Variants in RDH11 observed in about 807,000 individuals in gnomAD.
RDH11 encodes the protein retinol dehydrogenase 11, also known as HCV core-binding protein HCBP12.
In RDH11, 19 loss-of-function variants were observed where a neutral mutation model predicts 33.4. That is an observed-to-expected ratio of 0.57 (90% CI 0.40 to 0.83). RDH11 has a LOEUF of 0.83. RDH11 is among the 40% of genes least tolerant of loss of function. The pLI is 0.00. For synonymous variants in RDH11, 154 were observed against 155.3 expected (o/e 0.99, Z 0.06); for missense variants, 353 against 389.0 (o/e 0.91, Z 0.78).
rs2037555181 is a variant in RDH11, at chr14:67,677,384, T to TTG, written c.*936_*937insCA. 6.9e-6 allele frequency: 1 copy of TTG among 144,038 alleles called. No individual in the cohort carries two copies. Among genetic ancestry groups the TTG allele is most frequent in the Non-Finnish European group, 1.5e-5 (1 of 66,048 alleles). 8.9% of individuals were successfully genotyped at this position (144,038 alleles called of 1,614,324 possible). ...TAGGATTTTTTTTTTTTTTTTTTTTTTTTTTTTTGCCACACTGGTTTTTGT... is the reference window on the plus strand; with the variant it reads ...TAGGATTTTTTTTTTTTTTTTTTTTTTGTTTTTTTTGCCACACTGGTTTTTGT... On this transcript the variant is annotated 3_prime_UTR_variant, in exon 7 of 7. Transcript: ENST00000381346.
intron 5 of RDH11, among the ~76,000 whole-genome samples, chr14:67,688,455 T>C (rs1293965032): frequency 6.6e-6 from 1 of 152,168 alleles, no homozygotes; most frequent in Non-Finnish European, 1.5e-5. Flanking sequence ...TACATACATA[T>C]GTAAATGCAT....
chr14:67,691,221 T>C lies in RDH11; in HGVS notation c.373A>G (p.Ile125Val), dbSNP rs375887260. ...LAEEKHLHVL[I>V]NNAGVMMCPY... is the part of the protein sequence containing the mutation. ...CACATCATCACTCCTGCATTGTTGA[T>C]CAAAACGTGGAGGTGCTTTTCCTCT... Residue 125 changes from isoleucine to valine, a missense_variant, in exon 4 of 7, where the codon ATC becomes GTC. By Grantham distance (29) the Ile-to-Val change is conservative. Transcript: ENST00000381346. 45 of 1,613,814 alleles carry C rather than the reference T, an allele frequency of 2.8e-5. No individual in the cohort carries two copies. Among genetic ancestry groups the C allele is most frequent in the Non-Finnish European group, 3.7e-5 (44 of 1,179,952 alleles).
chr14:67,685,270 A>T (rs2037664103), intron 5 of RDH11, 66 bp from the exon 6 acceptor site: 1 of 1,309,082 alleles, frequency 7.6e-7, no homozygotes, highest in Non-Finnish European at 1.1e-6. Flanking sequence ...CCCAAAACAG[A>T]AAAGGATGTA....
rs374686330 is a variant in RDH11 at position 67,691,601 on chromosome 14, T to C, written c.350-357A>G. The C allele has an allele frequency of 2.4e-4, 47 of 193,374 alleles. 1 individual carries two copies. Among genetic ancestry groups the C allele is most frequent in the African/African-American group, 1.1e-3 (46 of 42,636 alleles). 12.0% of individuals were successfully genotyped at this position (193,374 alleles called of 1,614,324 possible). A position where few individuals can be genotyped will look rare whatever the true frequency, so the allele number is the denominator to read the frequency against. On this transcript the variant is annotated intron_variant, in intron 3 of 6. Transcript: ENST00000381346. ...AAGAGAAAAAAGAATGTTCTCTATGTACCTCTGCCCTGGGATTCAGGTCCC... is the reference window on the plus strand; with the variant it reads ...AAGAGAAAAAAGAATGTTCTCTATGCACCTCTGCCCTGGGATTCAGGTCCC...
chr14:67,692,657 A>C, intron 2 of RDH11, 64 bp from the exon 3 acceptor site: 3 of 1,499,712 alleles, frequency 2.0e-6, no homozygotes, highest in Non-Finnish European at 2.7e-6. Context: ...TATAAATCTA[A>C]TGTTATTTCC....
intron 6 of RDH11, among the ~76,000 whole-genome samples, chr14:67,681,063 A>G (rs2037609728): frequency 6.6e-6 from 1 of 152,188 alleles, no homozygotes; most frequent in South Asian, 2.1e-4. Context: ...GTGTGACTGT[A>G]TTTAGAGAGA....
Position 67,693,034 on chromosome 14 carries a change from C to A in RDH11, c.93G>T (p.Gly31=), listed in dbSNP as rs1297824174. ...GAAGCTGAACAGTTGATGTACACAC[C>A]CCACTGGACAGCATTTTCCTGCAGA... ...APQIRKMLSS[G]VCTSTVQLPG... is the part of the protein sequence containing the mutation. Residue 31 remains glycine (G), a synonymous_variant, in exon 2 of 7, where the codon GGG becomes GGT. Transcript: ENST00000381346. 2 of 1,612,826 alleles carry A rather than the reference C, an allele frequency of 1.2e-6. No homozygotes were observed. Among genetic ancestry groups the A allele is most frequent in the South Asian group, 2.2e-5 (2 of 91,002 alleles).
At chr14:67,686,250 C>A (rs1385775685) in intron 5 of RDH11, 1 of 152,198 alleles carries the variant, frequency 6.6e-6, no homozygotes, top group Non-Finnish European at 1.5e-5. Context: ...TGACTCATTT[C>A]TTCATCTCTA....
intron 6 of RDH11, among the ~76,000 whole-genome samples, chr14:67,678,630 C>T (rs1156377177): frequency 1.3e-5 from 2 of 152,202 alleles, no homozygotes; most frequent in Non-Finnish European, 2.9e-5. Context: ...GCTAGACCAC[C>T]TCTCATCAGA....
At chr14:67,683,664 G>A (rs1302318719) in intron 6 of RDH11, among the ~76,000 whole-genome samples, 2 of 152,314 alleles carry the variant, frequency 1.3e-5, no homozygotes, top group Admixed American at 6.5e-5. Flanking sequence ...CCTCCCTAGA[G>A]AATGGATGAT....
chr14:67,692,890 TA>T, intron 2 of RDH11, 43 bp downstream of exon 2: 1 of 1,296,160 alleles, frequency 7.7e-7, no homozygotes, highest in Non-Finnish European at 1.1e-6. Flanking sequence ...CTGTGAGGGG[TA>T]AAACAGCAGT....
intron 6 of RDH11, among the ~76,000 whole-genome samples, chr14:67,683,514 C>A (rs369591657): frequency 6.6e-6 from 1 of 152,162 alleles, no homozygotes. Flanking sequence ...TACTTTGTTT[C>A]GGCAATAGCA....
chr14:67,681,965 T>A (rs1324232982), intron 6 of RDH11, among the ~76,000 whole-genome samples: 2 of 152,170 alleles, frequency 1.3e-5, no homozygotes, highest in African/African-American at 2.4e-5. Flanking sequence ...CATACCTGGA[T>A]TAATGTCACT....
Position 67,693,067 on chromosome 14 carries a change from G to C in RDH11, c.75-15C>G. 6.4e-7 allele frequency: 1 copy of C among 1,569,112 alleles called. No individual in the cohort carries two copies. Among genetic ancestry groups the C allele is most frequent in the Non-Finnish European group, 8.8e-7 (1 of 1,142,534 alleles). On this transcript the variant is annotated splice_polypyrimidine_tract_variant and intron_variant, in intron 1 of 6. Coordinates refer to ENST00000381346, the MANE Select transcript of RDH11 (RefSeq NM_016026.4). ...ACAGCATTTTCCTGCAGACAGAGAAGGAGAGCTCATCAATTCTTCATTCTA... is the reference window on the plus strand; with the variant it reads ...ACAGCATTTTCCTGCAGACAGAGAACGAGAGCTCATCAATTCTTCATTCTA...
chr14:67,682,336 G>A (rs2037625538), intron 6 of RDH11, among the ~76,000 whole-genome samples: 1 of 152,182 alleles, frequency 6.6e-6, no homozygotes, highest in Admixed American at 6.5e-5. Context: ...CCCACAGAAT[G>A]AGAGAATATT....
rs751260927 is a variant in RDH11 at position 67,692,970 on chromosome 14, T to C, written c.157A>G (p.Ile53Val). The C allele has an allele frequency of 3.7e-6, 6 of 1,614,104 alleles. No individual in the cohort carries two copies. The highest frequency in any genetic ancestry group is 4.2e-6 in the Non-Finnish European group (5 of 1,179,968). Residue 53 changes from isoleucine to valine, a missense_variant, in exon 2 of 7, where the codon ATC becomes GTC. Ile to Val is a conservative substitution (Grantham distance 29). Coordinates refer to ENST00000381346, the MANE Select transcript of RDH11 (RefSeq NM_016026.4). ...VVVVTGANTGIGKETAKELAQ... is the reference protein window; with the variant it reads ...VVVVTGANTGVGKETAKELAQ... ...AGCTCTTTGGCTGTCTCCTTCCCGA[T>C]ACCTGTATTAGCTCCTGTGACCACA... is the stretch of plus-strand genomic sequence containing the variant.
chr14:67,690,490 G>C (rs1209816623), intron 4 of RDH11, 69 bp from the exon 5 acceptor site: 4 of 1,323,156 alleles, frequency 3.0e-6, no homozygotes, highest in African/African-American at 1.5e-5. Context: ...TGGTGAGCAG[G>C]CCTCACCTAT....
At chr14:67,689,169 G>C (rs566444238) in intron 5 of RDH11, among the ~76,000 whole-genome samples, 1 of 152,314 alleles carries the variant, frequency 6.6e-6, no homozygotes, top group East Asian at 1.9e-4. Flanking sequence ...ACTGATAAAA[G>C]ATGTCATGCC....
intron 6 of RDH11, among the ~76,000 whole-genome samples, chr14:67,680,971 T>A (rs911788715): frequency 6.6e-6 from 1 of 152,214 alleles, no homozygotes; most frequent in Non-Finnish European, 1.5e-5. Context: ...CTTATATTTA[T>A]GGTCAATTGA....
Sources: allele counts gnomAD v4.1 joint callset (sites outside exome capture counted in the v4.1 genomes callset), GRCh38; gene constraint gnomAD v4.1.1; transcripts MANE v1.5; gene names NCBI Gene and HGNC (gene_info 2026-07-23, HGNC 2026-07-21).